RBM45: variants seen among roughly 807,000 people sequenced by gnomAD.
RBM45 encodes RNA binding motif protein 45.
In RBM45, 39 loss-of-function variants were observed where a neutral mutation model predicts 58.5. The ratio of observed to expected loss-of-function variants is 0.67; its 90% confidence interval spans 0.52 to 0.87. The LOEUF (loss-of-function observed/expected upper bound fraction) is 0.87. Among genes scored for constraint, RBM45 ranks in the 40% least tolerant of loss-of-function variants. RBM45 has a pLI of 0.00. For missense variants in RBM45, 481 were observed against 581.6 expected (o/e 0.83, Z 1.78); for synonymous variants, 193 against 203.0 (o/e 0.95, Z 0.42).
chr2:178,120,445 T>C, intron 4 of RBM45, 36 bp downstream of exon 4: 1 of 1,553,328 alleles, frequency 6.4e-7, no homozygotes, highest in Non-Finnish European at 8.7e-7. Context: ...TAGTATAATG[T>C]AGTATATGCA....
At chr2:178,127,608 C>T (rs896808091) in intron 9 of RBM45, among the ~76,000 whole-genome samples, 1 of 152,158 alleles carries the variant, frequency 6.6e-6, no homozygotes, top group African/African-American at 2.4e-5. Context: ...GACAAAACCA[C>T]TCTCATTGTA....
chr2:178,138,720 A>G (rs935466393), exon 4 of RBM45: 1 of 152,320 alleles, frequency 6.6e-6, no homozygotes, highest in Admixed American at 6.5e-5. Flanking sequence ...CACTGAAACT[A>G]TTAGAATAAT....
chr2:178,125,973 C>T lies in RBM45; in HGVS notation c.1233-11C>T. On this transcript the variant is annotated splice_polypyrimidine_tract_variant and intron_variant, in intron 8 of 9. Coordinates refer to ENST00000286070, the MANE Select transcript of RBM45 (RefSeq NM_152945.4). ...CAATTTTGGTTGATTATTTTTTTCA[C>T]TTTGTTTCAGTCGTTTTGGTAACCT... The T allele has an allele frequency of 6.2e-7, 1 of 1,607,282 alleles. No individual in the cohort carries two copies.
intron 5 of RBM45, 39 bp downstream of exon 5, chr2:178,121,398 A>AT (rs1434186257): frequency 7.4e-6 from 4 of 538,004 alleles, no homozygotes; most frequent in Non-Finnish European, 7.9e-6. Flanking sequence ...ATATATATGT[A>AT]TATATACACA....
At position 178,112,676 on chromosome 2, in the gene RBM45, C is replaced by G; in HGVS notation, c.130C>G (p.Arg44Gly). The change falls in exon 1 of 10, where the codon CGC becomes GGC. Residue 44 changes from arginine (R) to glycine (G), a missense_variant. Physicochemically the swap from Arg to Gly is moderately radical, Grantham distance 125. Coordinates refer to ENST00000286070, the MANE Select transcript of RBM45 (RefSeq NM_152945.4). ...CACACCTGAGTCGGTGCTGAGGGAG[C>G]GCTTCTCGCCTTTTGGCGACATCCA... The part of the protein sequence containing the change: ...KYTPESVLRE[R>G]FSPFGDIQDI... The G allele has an allele frequency of 6.2e-7, 1 of 1,614,238 alleles. No individual in the cohort carries two copies. Among genetic ancestry groups the G allele is most frequent in the Non-Finnish European group, 8.5e-7 (1 of 1,180,036 alleles).
Position 178,120,738 on chromosome 2 carries a change from C to T in RBM45, c.673+329C>T, listed in dbSNP as rs530537222. Among the ~76,000 whole-genome samples the T allele has an allele frequency of 3.3e-5, 5 of 152,186 alleles. No individual in the cohort carries two copies. The South Asian group carries it at 1.0e-3, about 32-fold the overall frequency. ...ACTTAAAAAGACATATGTAGAGATCCTCTCCGTATGAGTCCTAAAATTTTG... is the reference window on the plus strand; with the variant it reads ...ACTTAAAAAGACATATGTAGAGATCTTCTCCGTATGAGTCCTAAAATTTTG... On this transcript the variant is annotated intron_variant, in intron 4 of 9. Transcript: ENST00000286070.
chr2:178,125,926 A>C, intron 8 of RBM45, 58 bp from the exon 9 acceptor site: 1 of 1,419,480 alleles, frequency 7.0e-7, no homozygotes, highest in Admixed American at 1.8e-5. Context: ...TCCAAATTTT[A>C]GACCTGAGCA....
Position 178,112,705 on chromosome 2 carries a change from C to T in RBM45, c.159C>T (p.Asp53=). ...TCTCGCCTTTTGGCGACATCCAGGA[C>T]ATCTGGGTGGTGCGGGACAAGCACA... ...ERFSPFGDIQ[D]IWVVRDKHTK... Residue 53 remains aspartate, a synonymous_variant, in exon 1 of 10, where the codon GAC becomes GAT. Transcript: ENST00000286070. 3 of 1,614,254 alleles carry T rather than the reference C, an allele frequency of 1.9e-6. No individual in the cohort carries two copies. Among genetic ancestry groups the T allele is most frequent in the East Asian group, 2.2e-5 (1 of 44,888 alleles).
chr2:178,126,256 T>C, intron 9 of RBM45, 72 bp downstream of exon 9: 3 of 935,268 alleles, frequency 3.2e-6, no homozygotes, highest in Non-Finnish European at 3.0e-6. Flanking sequence ...GTAAGTACTT[T>C]ATAAACTTTT....
intron 4 of RBM45, 74 bp from the exon 5 acceptor site, chr2:178,121,106 T>C (rs2087844234): frequency 6.9e-6 from 5 of 725,170 alleles, no homozygotes; most frequent in Non-Finnish European, 1.1e-5. Flanking sequence ...CTCTGTTTTC[T>C]AGTATTTAAA....
intron 9 of RBM45, among the ~76,000 whole-genome samples, chr2:178,127,994 CTTTTTT>C (rs3067447): frequency 1.0e-3 from 76 of 72,510 alleles, no homozygotes; most frequent in African/African-American, 3.8e-3. Flanking sequence ...TCTCTACGCC[CTTTTTT>C]TTTTTTTTTT....
At chr2:178,136,490 G>A (rs1303629834) in exon 4 of RBM45, 2 of 152,170 alleles carry the variant, frequency 1.3e-5, no homozygotes, top group East Asian at 3.9e-4. Context: ...TATGTTGGAG[G>A]TTTCCTTGAC....
downstream of RBM45, among the ~76,000 whole-genome samples, chr2:178,131,935 C>T (rs2088009388): frequency 6.6e-6 from 1 of 152,064 alleles, no homozygotes. Context: ...ATGTCTTCAC[C>T]TTAATGTTTA....
rs1190932635 is a variant in RBM45, at chr2:178,112,486, A to G, written c.-61A>G. ...GGCAAAGGCTTGGGTGTGAGACAGC[A>G]GCGGTGGCAGACACCGCAGAAGCAA... On this transcript the variant is annotated 5_prime_UTR_variant, in exon 1 of 10. Transcript: ENST00000286070. 2.1e-6 allele frequency: 3 copies of G among 1,445,412 alleles called. No homozygotes were observed. The highest frequency in any genetic ancestry group is 1.8e-5 in the Admixed American group (1 of 55,612). 89.5% of individuals were successfully genotyped at this position (1,445,412 alleles called of 1,614,324 possible). A position where few individuals can be genotyped will look rare whatever the true frequency, so the allele number is the denominator to read the frequency against.
intron 8 of RBM45, 26 bp from the exon 9 acceptor site, chr2:178,125,958 T>A (rs1259920752): frequency 2.5e-6 from 4 of 1,602,326 alleles, no homozygotes; most frequent in Non-Finnish European, 3.4e-6. Context: ...CAATTTTGGT[T>A]GATTATTTTT....
chr2:178,114,127 T>G (rs1574406725), intron 1 of RBM45, among the ~76,000 whole-genome samples: 1 of 152,218 alleles, frequency 6.6e-6, no homozygotes, highest in East Asian at 1.9e-4. Context: ...GTAAATATTT[T>G]AGGCTTTGCA....
intron 5 of RBM45, 79 bp downstream of exon 5, chr2:178,121,438 A>G: frequency 1.4e-6 from 1 of 707,024 alleles, no homozygotes; most frequent in Admixed American, 4.3e-5. Context: ...ACACACACAC[A>G]CACACAGAGT....
chr2:178,133,743 G>A (rs549911661), downstream of RBM45: 26 of 152,268 alleles, frequency 1.7e-4, no homozygotes, highest in South Asian at 1.9e-3. Flanking sequence ...AATCAGGGCA[G>A]TTATTTTTAC....
Position 178,121,401 on chromosome 2 carries a change from TATACAC to T in RBM45, c.853+44_853+49del, listed in dbSNP as rs764141825. On this transcript the variant is annotated intron_variant, in intron 5 of 9. Transcript: ENST00000286070. ...ATTAAAAAATATATATATATGTATATATACACACACACACACACACACACACACACA... is the reference window on the plus strand; with the variant it reads ...ATTAAAAAATATATATATATGTATATACACACACACACACACACACACACA... 113 of 595,042 alleles carry T rather than the reference TATACAC, an allele frequency of 1.9e-4. 1 individual carries two copies. Among genetic ancestry groups the T allele is most frequent in the African/African-American group, 1.2e-3 (46 of 37,908 alleles). 36.9% of individuals were successfully genotyped at this position (595,042 alleles called of 1,614,324 possible).
Sources: allele counts gnomAD v4.1 joint callset (sites outside exome capture counted in the v4.1 genomes callset), GRCh38; gene constraint gnomAD v4.1.1; transcripts MANE v1.5; gene names NCBI Gene and HGNC (gene_info 2026-07-23, HGNC 2026-07-21).